The following SEMA3C variants were observed in gnomAD, a reference collection of about 807,000 sequenced individuals.
SEMA3C encodes semaphorin-3C.
Under a neutral mutation model 89.4 loss-of-function variants are expected in SEMA3C, and 47 were observed. That is an observed-to-expected ratio of 0.53 (90% confidence interval 0.42 to 0.67). The LOEUF is 0.67. SEMA3C is among the 30% of genes least tolerant of loss of function. The probability of loss-of-function intolerance (pLI) is 0.00; values close to 1 mark genes in which losing one functional copy is unlikely to be tolerated. For synonymous variants in SEMA3C, 310 were observed against 320.2 expected (o/e 0.97, Z 0.34); for missense variants, 839 against 929.1 (o/e 0.90, Z 1.26).
chr7:80,760,859 C>CA (rs1788167927), intron 14 of SEMA3C, among the ~76,000 whole-genome samples: 1 of 152,108 alleles, frequency 6.6e-6, no homozygotes. Context: ...GATTGGGATG[C>CA]AAATGCATGC....
intron 5 of SEMA3C, among the ~76,000 whole-genome samples, chr7:80,813,909 T>C (rs1789533426): frequency 1.3e-5 from 2 of 152,290 alleles, no homozygotes; most frequent in East Asian, 3.9e-4. Context: ...AGATCTTTAA[T>C]GACAATTATG....
chr7:80,834,147 C>A (rs577552688), intron 2 of SEMA3C, among the ~76,000 whole-genome samples: 1 of 152,164 alleles, frequency 6.6e-6, no homozygotes, highest in African/African-American at 2.4e-5. Flanking sequence ...AGTGGCTCCA[C>A]AAAGGGCAGC....
chr7:80,842,721 G>A (rs1790298477), intron 2 of SEMA3C, among the ~76,000 whole-genome samples: 1 of 152,004 alleles, frequency 6.6e-6, no homozygotes, highest in African/African-American at 2.4e-5. Context: ...ATAGATAGCT[G>A]GGGTGGTGTT....
chr7:80,881,927 CAAAAT>C (rs1791352072), intron 2 of SEMA3C, among the ~76,000 whole-genome samples: 1 of 151,874 alleles, frequency 6.6e-6, no homozygotes, highest in Non-Finnish European at 1.5e-5. Flanking sequence ...GGACAAAACA[CAAAAT>C]AAACTACTCA....
intron 2 of SEMA3C, among the ~76,000 whole-genome samples, chr7:80,858,795 G>A (rs2115977015): frequency 6.6e-6 from 1 of 152,246 alleles, no homozygotes; most frequent in Admixed American, 6.5e-5. Flanking sequence ...TTTAATTACA[G>A]CAAATGTACT....
intron 12 of SEMA3C, among the ~76,000 whole-genome samples, chr7:80,765,626 G>A (rs1275184910): frequency 1.3e-5 from 2 of 152,096 alleles, no homozygotes; most frequent in African/African-American, 4.8e-5. Flanking sequence ...GCCCAGGCTG[G>A]AGTGCAGTGG....
At chr7:80,881,004 A>G (rs1398363438) in intron 2 of SEMA3C, among the ~76,000 whole-genome samples, 2 of 152,134 alleles carry the variant, frequency 1.3e-5, no homozygotes, top group African/African-American at 2.4e-5. Flanking sequence ...AGTCTCTTAC[A>G]TTGCAAATAT....
At chr7:80,908,772 A>G (rs775367585) in intron 2 of SEMA3C, among the ~76,000 whole-genome samples, 29 of 152,114 alleles carry the variant, frequency 1.9e-4, no homozygotes, top group Non-Finnish European at 3.8e-4. Context: ...AAGTCACCAG[A>G]GTTTCTTGTC....
intron 14 of SEMA3C, among the ~76,000 whole-genome samples, chr7:80,760,051 G>A (rs974319526): frequency 6.6e-6 from 1 of 152,056 alleles, no homozygotes; most frequent in East Asian, 1.9e-4. Flanking sequence ...GCATAAGATG[G>A]ATAATAAAAT....
At chr7:80,754,962 T>TTTTTTGTTTTTTTTGTTTTTTG (rs1554359493) in intron 15 of SEMA3C, among the ~76,000 whole-genome samples, 2 of 130,688 alleles carry the variant, frequency 1.5e-5, no homozygotes, top group African/African-American at 2.7e-5. Flanking sequence ...TTTTTGTTTT[T>TTTTTTGTTTTTTTTGTTTTTTG]TTTTTTTTTG....
intron 12 of SEMA3C, among the ~76,000 whole-genome samples, chr7:80,785,317 C>T (rs1788777019): frequency 6.6e-6 from 1 of 152,182 alleles, no homozygotes; most frequent in Admixed American, 6.5e-5. Flanking sequence ...ACATAAGTTT[C>T]CCCTATGGCA....
intron 2 of SEMA3C, among the ~76,000 whole-genome samples, chr7:80,862,400 C>G (rs1790793608): frequency 6.6e-6 from 1 of 152,086 alleles, no homozygotes; most frequent in Non-Finnish European, 1.5e-5. Flanking sequence ...CAAAAGACCT[C>G]TACAAGGAAA....
intron 2 of SEMA3C, among the ~76,000 whole-genome samples, chr7:80,868,928 G>A (rs139648021): frequency 1.4e-3 from 220 of 152,162 alleles, no homozygotes; most frequent in African/African-American, 5.0e-3. Flanking sequence ...CTTTTCAAAG[G>A]AAATGCTGCA....
intron 13 of SEMA3C, among the ~76,000 whole-genome samples, chr7:80,763,600 T>C (rs552851569): frequency 9.2e-5 from 14 of 152,328 alleles, no homozygotes; most frequent in African/African-American, 3.1e-4. Flanking sequence ...TCAGACTAAC[T>C]CATGTTTCTT....
At chr7:80,884,753 G>T (rs1223360386) in intron 2 of SEMA3C, among the ~76,000 whole-genome samples, 1 of 152,150 alleles carries the variant, frequency 6.6e-6, no homozygotes, top group Non-Finnish European at 1.5e-5. Flanking sequence ...CTTTGTAGAA[G>T]AATTTCTTTA....
intron 2 of SEMA3C, among the ~76,000 whole-genome samples, chr7:80,841,587 C>CA (rs1246193997): frequency 2.0e-5 from 3 of 152,014 alleles, no homozygotes; most frequent in Non-Finnish European, 4.4e-5. Flanking sequence ...TATATGTTGG[C>CA]AAAAAATCCC....
chr7:80,759,155 T>G (rs1788130801), intron 14 of SEMA3C, among the ~76,000 whole-genome samples: 1 of 152,158 alleles, frequency 6.6e-6, no homozygotes, highest in South Asian at 2.1e-4. Context: ...GTAGGATGTC[T>G]ACTGCTTCCA....
intron 9 of SEMA3C, among the ~76,000 whole-genome samples, chr7:80,801,459 G>A (rs566555235): frequency 6.6e-6 from 1 of 152,064 alleles, no homozygotes; most frequent in African/African-American, 2.4e-5. Context: ...TATGCACAGT[G>A]AAGTGATAAA....
chr7:80,816,341 C>T (rs1789606977), intron 5 of SEMA3C: 1 of 152,038 alleles, frequency 6.6e-6, no homozygotes, highest in African/African-American at 2.4e-5. Flanking sequence ...ACCTTCTATT[C>T]AAAATTAGGT....
Sources: gnomAD v4.1 joint callset for allele counts (sites outside exome capture counted in the v4.1 genomes callset) on GRCh38, gnomAD v4.1.1 for gene constraint, MANE v1.5 for transcripts, NCBI Gene and HGNC (gene_info 2026-07-23, HGNC 2026-07-21) for gene names.